The following OGFOD3 variants were observed in gnomAD, a reference collection of about 807,000 sequenced individuals.
OGFOD3 encodes the protein 2-oxoglutarate and iron dependent oxygenase domain containing 3, also known as 2-oxoglutarate and iron-dependent oxygenase domain-containing protein 3.
A neutral mutation model predicts 39.8 loss-of-function variants in OGFOD3; 35 were observed. That is an observed-to-expected ratio of 0.88 (90% CI 0.67 to 1.17). The LOEUF (loss-of-function observed/expected upper bound fraction) is 1.17. Ranked by LOEUF, OGFOD3 falls within the 50% of genes most tolerant of loss-of-function variation. The pLI, the probability that OGFOD3 is intolerant of heterozygous loss-of-function variation, is 0.00. For synonymous variants in OGFOD3, 200 were observed against 192.0 expected, an observed-to-expected ratio of 1.04 and a Z score of -0.34; for missense variants, 438 against 454.5, an observed-to-expected ratio of 0.96 and a Z score of 0.33.
intron 2 of OGFOD3, among the ~76,000 whole-genome samples, chr17:82,414,183 G>A (rs894837176): frequency 2.0e-4 from 31 of 151,992 alleles, no homozygotes; most frequent in Non-Finnish European, 3.8e-4. Flanking sequence ...GCTGGAGTGC[G>A]GTGGCACACT....
intron 2 of OGFOD3, among the ~76,000 whole-genome samples, chr17:82,414,692 T>G (rs1287655782): frequency 2.0e-5 from 3 of 152,228 alleles, no homozygotes; most frequent in African/African-American, 7.2e-5. Flanking sequence ...GTGGAAGAAC[T>G]TGGCAATCTT....
At chr17:82,399,050 TGGTC>T (rs1360832684) in intron 7 of OGFOD3, among the ~76,000 whole-genome samples, 1 of 151,654 alleles carries the variant, frequency 6.6e-6, no homozygotes, top group African/African-American at 2.4e-5. Context: ...ATGCCCAGGC[TGGTC>T]TCAAACTCCT....
At chr17:82,413,831 A>G (rs982964069) in intron 2 of OGFOD3, among the ~76,000 whole-genome samples, 2 of 150,466 alleles carry the variant, frequency 1.3e-5, no homozygotes, top group Admixed American at 1.3e-4. Context: ...AGCCGAGATC[A>G]TGCCACTGCA....
chr17:82,403,898 G>C, intron 7 of OGFOD3, 39 bp downstream of exon 7: 1 of 1,568,672 alleles, frequency 6.4e-7, no homozygotes, highest in South Asian at 1.2e-5. Flanking sequence ...CGCTCACCTT[G>C]TCCACGGGCA....
intron 2 of OGFOD3, among the ~76,000 whole-genome samples, chr17:82,413,893 G>GA (rs1374881482): frequency 1.4e-5 from 2 of 139,342 alleles, no homozygotes; most frequent in Non-Finnish European, 3.1e-5. Context: ...AAAAAAAAAA[G>GA]AAGAAAGAAA....
intron 1 of OGFOD3, 108 bp downstream of exon 1, chr17:82,418,304 A>ACCCCCCCC (rs1163581986): frequency 8.4e-5 from 1 of 11,968 alleles, no homozygotes; most frequent in African/African-American, 3.5e-4. Context: ...GCCCCCCCCC[A>ACCCCCCCC]CCCCCCCACC....
In OGFOD3 at chr17:82,398,431, G is replaced by C. The variant is rs914255362; in HGVS notation, c.700-112C>G. On this transcript the variant is annotated intron_variant, in intron 7 of 8. Coordinates refer to ENST00000313056, the MANE Select transcript of OGFOD3 (RefSeq NM_024648.3). Reference sequence around the variant, plus strand: ...TATTTATTTTTTGAGACAGAGTCTTGCTCCATCACCCAGGCTGGAGTGCAG... The same window carrying C: ...TATTTATTTTTTGAGACAGAGTCTTCCTCCATCACCCAGGCTGGAGTGCAG... The C allele has an allele frequency of 6.0e-6, 8 of 1,325,082 alleles. No homozygotes were observed. The African/African-American group carries it at 7.3e-5, about 12-fold the overall frequency. 82.1% of individuals were successfully genotyped at this position (1,325,082 alleles called of 1,614,324 possible). A position where few individuals can be genotyped will look rare whatever the true frequency, so the allele number is the denominator to read the frequency against.
intron 7 of OGFOD3, among the ~76,000 whole-genome samples, chr17:82,403,441 G>A (rs1297311368): frequency 2.0e-5 from 3 of 152,134 alleles, no homozygotes; most frequent in African/African-American, 7.2e-5. Flanking sequence ...AGACTATCCT[G>A]GCCAACATGG....
At chr17:82,395,685 G>C (rs1463716089) in intron 8 of OGFOD3, among the ~76,000 whole-genome samples, 1 of 152,234 alleles carries the variant, frequency 6.6e-6, no homozygotes, top group Non-Finnish European at 1.5e-5. Flanking sequence ...GCCGGGCGTG[G>C]TGGTAGGCAC....
At chr17:82,399,430 C>T (rs989946420) in intron 7 of OGFOD3, among the ~76,000 whole-genome samples, 2 of 152,244 alleles carry the variant, frequency 1.3e-5, no homozygotes, top group Non-Finnish European at 2.9e-5. Flanking sequence ...AGAAGTGGAG[C>T]AATCCCAAGC....
At position 82,415,006 on chromosome 17, in the gene OGFOD3, G is replaced by C. The variant is rs2053009833; in HGVS notation, c.304+392C>G. Among the ~76,000 whole-genome samples the C allele has an allele frequency of 6.6e-6, 1 of 152,194 alleles. No homozygotes were observed. The highest frequency in any genetic ancestry group is 6.5e-5 in the Admixed American group (1 of 15,278). On this transcript the variant is annotated intron_variant, in intron 2 of 8. Transcript: ENST00000313056. This position sits in a 1 kb window ranked among gnomAD's most constrained non-coding sequence, Gnocchi z 5.3. ...GCATCTCTCAGGCCCAGGCAGAACGGGAGCGGGGGAGGGGAGCTGGGGCAC... is the reference window on the plus strand; with the variant it reads ...GCATCTCTCAGGCCCAGGCAGAACGCGAGCGGGGGAGGGGAGCTGGGGCAC...
chr17:82,404,074 C>G lies in OGFOD3; in HGVS notation c.562G>C (p.Val188Leu). 1 of 1,600,230 alleles carries G rather than the reference C, an allele frequency of 6.2e-7. No individual in the cohort carries two copies. The highest frequency in any genetic ancestry group is 1.1e-5 in the South Asian group (1 of 88,888). ...AAAGCCTCAGCAATGGTGAGCTGGA[C>G]CTTCTGCCGCACCTCCCTGCAGAGG... Reference protein sequence around the residue: ...FRLYREVRQKVQLTIAEAFGI... With the variant: ...FRLYREVRQKLQLTIAEAFGI... The change falls in exon 7 of 9, where the codon GTC becomes CTC. Residue 188 changes from valine (V) to leucine (L), a missense_variant. Val to Leu is a conservative substitution (Grantham distance 32). Coordinates refer to ENST00000313056, the MANE Select transcript of OGFOD3 (RefSeq NM_024648.3). The surrounding 1 kb of genome is among the most constrained non-coding windows in gnomAD (Gnocchi z 4.5).
rs1411806938 is a variant in OGFOD3 at position 82,403,997 on chromosome 17, G to C, written c.639C>G (p.Arg213=). 1.9e-6 allele frequency: 3 copies of C among 1,611,104 alleles called. No homozygotes were observed. In the African/African-American group the frequency reaches 4.0e-5, roughly 22 times the overall value. ...LHLTKPTFFS[R]INSTEARTAH... ...CCGTCCGCGCTTCCGTGCTGTTTAT[G>C]CGGGAGAAGAAGGTGGGCTTGGTCA... Residue 213 remains arginine (R), a synonymous_variant, in exon 7 of 9, where the codon CGC becomes CGG. Coordinates refer to ENST00000313056, the MANE Select transcript of OGFOD3 (RefSeq NM_024648.3).
chr17:82,392,079 C>CG lies in OGFOD3; in HGVS notation c.*318dup, dbSNP rs1396895027. On this transcript the variant is annotated 3_prime_UTR_variant, in exon 9 of 9. Coordinates refer to ENST00000313056, the MANE Select transcript of OGFOD3 (RefSeq NM_024648.3). This position sits in a 1 kb window ranked among gnomAD's most constrained non-coding sequence, Gnocchi z 4.2. ...GGGGTTGCTGAACCTGGACGAGTCC[C>CG]GGGGGGTTGCTGAACCTGGGTGGAT... The CG allele has an allele frequency of 5.5e-6, 2 of 361,598 alleles. No homozygotes were observed. Among genetic ancestry groups the CG allele is most frequent in the South Asian group, 4.0e-5 (1 of 25,120 alleles). The allele number at this position is 361,598 out of a possible 1,614,324, so 22.4% of individuals were successfully genotyped here.
chr17:82,401,822 A>AAAAAAAAAAAAAAAAAAAAAAAAAC (rs2052771225), intron 7 of OGFOD3, among the ~76,000 whole-genome samples: 3 of 144,810 alleles, frequency 2.1e-5, no homozygotes, highest in South Asian at 4.8e-4. Flanking sequence ...AAAAAAAAAA[A>AAAAAAAAAAAAAAAAAAAAAAAAAC]ACAAAGACTG....
chr17:82,409,534 G>T, intron 3 of OGFOD3, 124 bp from the exon 4 acceptor site: 2 of 858,116 alleles, frequency 2.3e-6, no homozygotes, highest in Non-Finnish European at 1.9e-6. Flanking sequence ...TGTTTATGAT[G>T]TAAACAAATG....
chr17:82,397,435 T>C (rs1221991841), intron 8 of OGFOD3, among the ~76,000 whole-genome samples: 2 of 29,842 alleles, frequency 6.7e-5, no homozygotes, highest in African/African-American at 1.2e-4. Context: ...GCCCTGGGGA[T>C]GGGTGAGGCA....
intron 4 of OGFOD3, among the ~76,000 whole-genome samples, chr17:82,407,465 C>A (rs902429875): frequency 6.6e-6 from 1 of 152,202 alleles, no homozygotes; most frequent in African/African-American, 2.4e-5. Context: ...GCCTCCTGGG[C>A]GGCTGGCACC....
At chr17:82,416,162 G>A (rs996628602) in intron 1 of OGFOD3, among the ~76,000 whole-genome samples, 13 of 152,310 alleles carry the variant, frequency 8.5e-5, no homozygotes, top group African/African-American at 3.1e-4. Flanking sequence ...TTTGAACCCG[G>A]GAGGTGGAGG....
Sources: allele counts gnomAD v4.1 joint callset (sites outside exome capture counted in the v4.1 genomes callset), GRCh38; gene constraint gnomAD v4.1.1; non-coding constraint Gnocchi (gnomAD v3.1); transcripts MANE v1.5; gene names NCBI Gene and HGNC (gene_info 2026-07-23, HGNC 2026-07-21).